PRICKLE4: variants seen among roughly 807,000 people sequenced by gnomAD.
PRICKLE4 encodes prickle planar cell polarity protein 4.
PRICKLE4 carries 40 observed loss-of-function variants against 43.5 expected under a neutral mutation model. That is an observed-to-expected ratio of 0.92 (90% CI 0.71 to 1.20). PRICKLE4 has a LOEUF of 1.20. PRICKLE4 is among the 50% of genes most tolerant of loss of function. The pLI is 0.00. For missense variants in PRICKLE4, 527 were observed against 491.2 expected (o/e 1.07, Z -0.69); for synonymous variants, 208 against 197.4 (o/e 1.05, Z -0.45).
chr6:41,785,100 C>G (rs1772619433), intron 5 of PRICKLE4, 28 bp downstream of exon 5: 1 of 1,612,032 alleles, frequency 6.2e-7, no homozygotes, highest in African/African-American at 1.3e-5. Context: ...CCCCAAATTC[C>G]CCTTCCTCTA....
Position 41,784,997 on chromosome 6 carries a change from G to C in PRICKLE4, c.303G>C (p.Arg101Ser). The change falls in exon 5 of 8, where the codon AGG becomes AGC. Residue 101 changes from arginine (R) to serine (S), a missense_variant. Physicochemically the swap from Arg to Ser is moderately radical, Grantham distance 110. Coordinates refer to ENST00000458694, the MANE Select transcript of PRICKLE4 (RefSeq NM_013397.6). ...CCGAGCTGCAGCTCTTCTGTGCCAG[G>C]CGGAAGCAGGAAGCCCTGGGACAGG... is the stretch of plus-strand genomic sequence containing the variant. ...ERAELQLFCA[R>S]RKQEALGQGV... 6.2e-7 allele frequency: 1 copy of C among 1,613,848 alleles called. No homozygotes were observed. The highest frequency in any genetic ancestry group is 1.6e-4 in the Middle Eastern group (1 of 6,062).
chr6:41,785,152 T>G (rs1202066743), intron 5 of PRICKLE4, 80 bp downstream of exon 5: 23 of 1,584,070 alleles, frequency 1.5e-5, no homozygotes, highest in Non-Finnish European at 1.9e-5. Context: ...TGGGCTAGCT[T>G]CTGGGATTCT....
Position 41,787,077 on chromosome 6 carries a change from G to A in PRICKLE4, c.1103G>A (p.Ser368Asn), listed in dbSNP as rs754209951. The A allele has an allele frequency of 6.8e-6, 11 of 1,612,804 alleles. No homozygotes were observed. In the South Asian group the frequency reaches 8.8e-5, roughly 13 times the overall value. ...RLPQSWKTPG[S>N]LQAEDSNASK... ...CCCCAGTCCTGGAAGACCCCCGGAA[G>A]CCTCCAAGCAGAGGACAGCAACGCC... The change falls in exon 8 of 8, where the codon AGC becomes AAC. Residue 368 changes from serine to asparagine, a missense_variant. By Grantham distance (46) the Ser-to-Asn change is conservative. Transcript: ENST00000458694.
At chr6:41,781,311 G>GA (rs1772549887) in intron 1 of PRICKLE4, 39 bp from the exon 2 acceptor site, 1 of 152,768 alleles carries the variant, frequency 6.5e-6, no homozygotes, top group Non-Finnish European at 1.5e-5. Flanking sequence ...CCTGATTTCT[G>GA]AGTGTTGTTT....
chr6:41,787,337 C>G lies in PRICKLE4; in HGVS notation c.*208C>G. 1 of 752,560 alleles carries G rather than the reference C, an allele frequency of 1.3e-6. No individual in the cohort carries two copies. Among genetic ancestry groups the G allele is most frequent in the Non-Finnish European group, 2.1e-6 (1 of 485,208 alleles). 46.6% of individuals were successfully genotyped at this position (752,560 alleles called of 1,614,324 possible). A position where few individuals can be genotyped will look rare whatever the true frequency, so the allele number is the denominator to read the frequency against. ...GGAGACTTTCTTGGCAAAACCCATT[C>G]CCCAAAGCTACGCTTCCCCTGCTGA... On this transcript the variant is annotated 3_prime_UTR_variant, in exon 8 of 8. Coordinates refer to ENST00000458694, the MANE Select transcript of PRICKLE4 (RefSeq NM_013397.6).
At position 41,783,712 on chromosome 6, in the gene PRICKLE4, T is replaced by C. The variant is rs768498671; in HGVS notation, c.132+107T>C. 4 of 1,505,304 alleles carry C rather than the reference T, an allele frequency of 2.7e-6. No homozygotes were observed. In the Admixed American group the frequency reaches 6.9e-5, roughly 26 times the overall value. The allele number at this position is 1,505,304 out of a possible 1,614,324, so 93.2% of individuals were successfully genotyped here. ...TAGTTTGACTTCGTGCCTAATCTCT[T>C]GTTGCCTTTTTCTCTTTTCAGGAAT... is the stretch of plus-strand genomic sequence containing the variant. On this transcript the variant is annotated intron_variant, in intron 3 of 7. Transcript: ENST00000458694.
rs988849037 is a variant in PRICKLE4 at position 41,787,290 on chromosome 6, T to C, written c.*161T>C. On this transcript the variant is annotated 3_prime_UTR_variant, in exon 8 of 8. Transcript: ENST00000458694. Reference sequence around the variant, plus strand: ...GTTTGGAGTGCGCCCCCTTCAGTACTGCGCGTTCTAAGACTTTTGGCGGAG... The same window carrying C: ...GTTTGGAGTGCGCCCCCTTCAGTACCGCGCGTTCTAAGACTTTTGGCGGAG... 1.3e-5 allele frequency: 14 copies of C among 1,044,676 alleles called. No individual in the cohort carries two copies. The African/African-American group carries it at 1.4e-4, about 11-fold the overall frequency. 64.7% of individuals were successfully genotyped at this position (1,044,676 alleles called of 1,614,324 possible). A position where few individuals can be genotyped will look rare whatever the true frequency, so the allele number is the denominator to read the frequency against.
intron 6 of PRICKLE4, among the ~76,000 whole-genome samples, 158 bp from the exon 7 acceptor site, chr6:41,785,970 C>A (rs1772636738): frequency 6.6e-6 from 1 of 152,216 alleles, no homozygotes; most frequent in Non-Finnish European, 1.5e-5. Flanking sequence ...CCTGGCTAAG[C>A]CAATCAGTCC....
rs750014796 is a variant in PRICKLE4 at position 41,786,126 on chromosome 6, A to G, written c.583-2A>G. 1.9e-6 allele frequency: 3 copies of G among 1,612,922 alleles called. No individual in the cohort carries two copies. Among genetic ancestry groups the G allele is most frequent in the Non-Finnish European group, 2.5e-6 (3 of 1,179,276 alleles). On this transcript the variant is annotated splice_acceptor_variant, in intron 6 of 7. Transcript: ENST00000458694. LOFTEE classifies it high-confidence loss of function. ...GTTCCCCTCTCCCTCTCCCTCTCCC[A>G]GCTGATCTTCTCCTGGCGCTGCACC...
In PRICKLE4 at chr6:41,783,412, C is replaced by T. The variant is rs1772583815; in HGVS notation, c.-12-50C>T. On this transcript the variant is annotated intron_variant, in intron 2 of 7. Transcript: ENST00000458694. Reference sequence around the variant, plus strand: ...CTATAAAGCACTTAACACTTCCTAGCACATTGTAACGGCCTAATACATGGA... The same window carrying T: ...CTATAAAGCACTTAACACTTCCTAGTACATTGTAACGGCCTAATACATGGA... 5 of 1,429,670 alleles carry T rather than the reference C, an allele frequency of 3.5e-6. No homozygotes were observed. In the African/African-American group the frequency reaches 4.3e-5, roughly 12 times the overall value. 88.6% of individuals were successfully genotyped at this position (1,429,670 alleles called of 1,614,324 possible). A position where few individuals can be genotyped will look rare whatever the true frequency, so the allele number is the denominator to read the frequency against.
At position 41,786,138 on chromosome 6, in the gene PRICKLE4, C is replaced by T. The variant is rs1772640643; in HGVS notation, c.593C>T (p.Ser198Phe). 6.2e-7 allele frequency: 1 copy of T among 1,613,506 alleles called. No homozygotes were observed. The highest frequency in any genetic ancestry group is 1.7e-5 in the Admixed American group (1 of 60,024). Residue 198 changes from serine (S) to phenylalanine (F), a missense_variant, in exon 7 of 8, where the codon TCC becomes TTC. Ser to Phe is a radical substitution (Grantham distance 155). Transcript: ENST00000458694. ...CTCTCCCTCTCCCAGCTGATCTTCT[C>T]CTGGCGCTGCACCGAGGCGGAGGGA... ...RCPACDQLIF[S>F]WRCTEAEGQR...
rs557402339 is a variant in PRICKLE4 at position 41,782,067 on chromosome 6, C to CTT, written c.-13+564_-13+565dup. ...CATCTCTTCTCTACATTAATAGTCG[C>CTT]TTTTTTTTTTTTTTTTTTGAGACGG... On this transcript the variant is annotated intron_variant, in intron 2 of 7. Transcript: ENST00000458694. 5.2e-3 allele frequency among the ~76,000 whole-genome samples: 637 copies of CTT among 122,204 alleles called. 10 individuals carry two copies. The highest frequency in any genetic ancestry group is 0.021 in the East Asian group (89 of 4,160). The allele number at this position is 122,204 out of a possible 152,430, so 80.2% of individuals were successfully genotyped here.
rs766026331 is a variant in PRICKLE4 at position 41,787,067 on chromosome 6, AC to A, written c.1098del (p.Gly367GlufsTer41). On this transcript the variant is annotated frameshift_variant, in exon 8 of 8. Coordinates refer to ENST00000458694, the MANE Select transcript of PRICKLE4 (RefSeq NM_013397.6). LOFTEE classifies it high-confidence loss of function. ...LGERLPQSWKTPGSLQAEDSN... is the reference protein window; with the variant it reads ...LGERLPQSWKXPGSLQAEDSN... The stretch of plus-strand genomic sequence containing the variant: ...CGAGCGCCTTCCCCAGTCCTGGAAG[AC>A]CCCCGGAAGCCTCCAAGCAGAGGAC... 1.2e-6 allele frequency: 2 copies of A among 1,613,120 alleles called. No individual in the cohort carries two copies. Among genetic ancestry groups the A allele is most frequent in the Admixed American group, 3.3e-5 (2 of 59,996 alleles).
chr6:41,783,765 G>A, intron 3 of PRICKLE4, 160 bp downstream of exon 3: 1 of 1,055,952 alleles, frequency 9.5e-7, no homozygotes, highest in Non-Finnish European at 1.4e-6. Context: ...CTTAGAACAT[G>A]GGGTTTTGAC....
At chr6:41,784,697 G>C (rs1772610884) in intron 4 of PRICKLE4, 1 of 565,552 alleles carries the variant, frequency 1.8e-6, no homozygotes, top group Non-Finnish European at 3.1e-6. Context: ...ACAGGGCTAA[G>C]TGCTGTGGGC....
chr6:41,782,891 T>G (rs1189357040), intron 2 of PRICKLE4, among the ~76,000 whole-genome samples: 1 of 152,284 alleles, frequency 6.6e-6, no homozygotes, highest in Non-Finnish European at 1.5e-5. Flanking sequence ...CATTAGGTGC[T>G]AAATCTTGGG....
At chr6:41,786,364 G>A (rs746556856) in intron 7 of PRICKLE4, 32 bp downstream of exon 7, 3 of 1,540,658 alleles carry the variant, frequency 1.9e-6, no homozygotes, top group African/African-American at 1.4e-5. Flanking sequence ...AAAGCGGGAG[G>A]GAGCTTGGGC....
chr6:41,786,251 T>C lies in PRICKLE4; in HGVS notation c.706T>C (p.Cys236Arg), dbSNP rs748028137. 2 of 1,601,658 alleles carry C rather than the reference T, an allele frequency of 1.2e-6. No individual in the cohort carries two copies. The highest frequency in any genetic ancestry group is 3.4e-5 in the Admixed American group (2 of 59,484). ...GRYALPGGSP[C>R]CPSCFENRYS... ...TTATGCCCTGCCTGGGGGAAGCCCC[T>C]GCTGCCCCAGCTGCTTCGAGAACCG... is the stretch of plus-strand genomic sequence containing the variant. The change falls in exon 7 of 8, where the codon TGC (cysteine) becomes CGC (arginine). Residue 236 changes from cysteine to arginine, a missense_variant. Coordinates refer to ENST00000458694, the MANE Select transcript of PRICKLE4 (RefSeq NM_013397.6).
intron 3 of PRICKLE4, 65 bp downstream of exon 3, chr6:41,783,670 T>A: frequency 6.2e-7 from 1 of 1,611,906 alleles, no homozygotes; most frequent in Non-Finnish European, 8.5e-7. Flanking sequence ...GGCCACCCTT[T>A]TCCACCAACC....
Sources: gnomAD v4.1 joint callset for allele counts (sites outside exome capture counted in the v4.1 genomes callset) on GRCh38, gnomAD v4.1.1 for gene constraint, MANE v1.5 for transcripts, NCBI Gene and HGNC (gene_info 2026-07-23, HGNC 2026-07-21) for gene names.